ZCCHC8: variants seen among roughly 807,000 people sequenced by gnomAD.
ZCCHC8 encodes zinc finger CCHC-type containing 8, also known as zinc finger CCHC domain-containing protein 8.
ZCCHC8 carries 27 observed loss-of-function variants against 70.6 expected under a neutral mutation model. That is an observed-to-expected ratio of 0.38 (90% CI 0.28 to 0.53). The LOEUF is 0.53. Among genes scored for constraint, ZCCHC8 ranks in the 20% least tolerant of loss-of-function variants. The pLI, the probability that ZCCHC8 is intolerant of heterozygous loss-of-function variation, is 0.81. For missense variants in ZCCHC8, 737 were observed against 876.9 expected, an observed-to-expected ratio of 0.84 and a Z score of 2.01; for synonymous variants, 293 against 317.4, an observed-to-expected ratio of 0.92 and a Z score of 0.82.
At position 122,500,491 on chromosome 12, in the gene ZCCHC8, C is replaced by T. The variant is rs1282508672; in HGVS notation, c.199+151G>A. The T allele has an allele frequency of 3.8e-6, 4 of 1,055,692 alleles. No homozygotes were observed. The highest frequency in any genetic ancestry group is 3.2e-4 in the Middle Eastern group (1 of 3,166). 65.4% of individuals were successfully genotyped at this position (1,055,692 alleles called of 1,614,324 possible). ...CGCCCCGAACCCTAGACTCTCGGTCCGCCGGCGGGTGACAGAAAGCACTTG... is the reference window on the plus strand; with the variant it reads ...CGCCCCGAACCCTAGACTCTCGGTCTGCCGGCGGGTGACAGAAAGCACTTG... On this transcript the variant is annotated intron_variant, in intron 1 of 13. Coordinates refer to ENST00000633063, the MANE Select transcript of ZCCHC8 (RefSeq NM_017612.5). The surrounding 1 kb of genome is among the most constrained non-coding windows in gnomAD (Gnocchi z 4.8).
At chr12:122,490,386 G>T in intron 4 of ZCCHC8, 76 bp downstream of exon 4, 1 of 1,182,482 alleles carries the variant, frequency 8.5e-7, no homozygotes. Context: ...TTTGATTCAA[G>T]AGGATCCTTG....
intron 3 of ZCCHC8, among the ~76,000 whole-genome samples, chr12:122,491,828 CAAAA>C (rs11314331): frequency 2.7e-3 from 331 of 123,650 alleles, no homozygotes; most frequent in African/African-American, 9.2e-3. Flanking sequence ...AACTCCATCT[CAAAA>C]AAAAAAAAAA....
chr12:122,484,564 A>T (rs945958761), intron 5 of ZCCHC8, among the ~76,000 whole-genome samples: 1 of 147,898 alleles, frequency 6.8e-6, no homozygotes, highest in African/African-American at 2.5e-5. Flanking sequence ...ACACACAGCT[A>T]ATTTTTTTTT....
rs538424379 is a variant in ZCCHC8, at chr12:122,489,595, A to G, written c.424-132T>C. The G allele has an allele frequency of 4.2e-4, 346 of 815,496 alleles. 8 individuals are homozygous for G. In the South Asian group the frequency reaches 5.1e-3, roughly 12 times the overall value. The allele number at this position is 815,496 out of a possible 1,614,324, so 50.5% of individuals were successfully genotyped here. A position where few individuals can be genotyped will look rare whatever the true frequency, so the allele number is the denominator to read the frequency against. On this transcript the variant is annotated intron_variant, in intron 4 of 13. Coordinates refer to ENST00000633063, the MANE Select transcript of ZCCHC8 (RefSeq NM_017612.5). Reference sequence around the variant, plus strand: ...TTCATGTGGGAGAATGGAAGATGTAAAAGGAGAGCTTCTTCTGAAGCACTA... The same window carrying G: ...TTCATGTGGGAGAATGGAAGATGTAGAAGGAGAGCTTCTTCTGAAGCACTA...
In ZCCHC8 at chr12:122,483,053, T is replaced by C. The variant is rs1185904730; in HGVS notation, c.671+226A>G. 5.4e-6 allele frequency: 3 copies of C among 557,078 alleles called. No individual in the cohort carries two copies. Among genetic ancestry groups the C allele is most frequent in the Non-Finnish European group, 9.4e-6 (3 of 319,044 alleles). 34.5% of individuals were successfully genotyped at this position (557,078 alleles called of 1,614,324 possible). ...CTGCAATCAAATTGACAGCAACAAT[T>C]ATACCTTTCCACCCACCCAGGCACA... is the stretch of plus-strand genomic sequence containing the variant. On this transcript the variant is annotated intron_variant, in intron 7 of 13. Coordinates refer to ENST00000633063, the MANE Select transcript of ZCCHC8 (RefSeq NM_017612.5). The surrounding 1 kb of genome is among the most constrained non-coding windows in gnomAD (Gnocchi z 4.4).
chr12:122,478,099 G>T, intron 12 of ZCCHC8, 107 bp downstream of exon 12: 1 of 1,258,210 alleles, frequency 7.9e-7, no homozygotes, highest in Non-Finnish European at 1.1e-6. Context: ...TTTTCCTTTT[G>T]GTTTGTCAAG....
intron 11 of ZCCHC8, among the ~76,000 whole-genome samples, chr12:122,478,862 C>T (rs1463328648): frequency 1.3e-5 from 2 of 152,144 alleles, no homozygotes; most frequent in Non-Finnish European, 2.9e-5. Flanking sequence ...CAAGAATGTA[C>T]ATTTCTAACG....
In ZCCHC8 at chr12:122,474,292, A is replaced by G; in HGVS notation, c.1346-17T>C. ...CCTCCATATCTGAAGTAAGAAAGTT[A>G]AGAGATACTTTAGAACTTATAATAG... On this transcript the variant is annotated splice_polypyrimidine_tract_variant and intron_variant, in intron 13 of 13. Transcript: ENST00000633063. 7.3e-7 allele frequency: 1 copy of G among 1,379,202 alleles called. No individual in the cohort carries two copies. Among genetic ancestry groups the G allele is most frequent in the South Asian group, 2.2e-5 (1 of 45,414 alleles). 85.4% of individuals were successfully genotyped at this position (1,379,202 alleles called of 1,614,324 possible).
chr12:122,485,200 A>C lies in ZCCHC8; in HGVS notation c.502-1637T>G, dbSNP rs572346474. 1.4e-4 allele frequency among the ~76,000 whole-genome samples: 22 copies of C among 152,020 alleles called. No individual in the cohort carries two copies. The South Asian group carries it at 3.7e-3, about 26-fold the overall frequency. On this transcript the variant is annotated intron_variant, in intron 5 of 13. Coordinates refer to ENST00000633063, the MANE Select transcript of ZCCHC8 (RefSeq NM_017612.5). ...CTCAGCTCACTGCAACCTCCGGTTGAACCTCCTGGGTTCAAGCGATTCTCC... is the reference window on the plus strand; with the variant it reads ...CTCAGCTCACTGCAACCTCCGGTTGCACCTCCTGGGTTCAAGCGATTCTCC...
In ZCCHC8 at chr12:122,472,743, A is replaced by C. The variant is rs1242137699; in HGVS notation, c.*754T>G. 1 of 152,174 alleles carries C rather than the reference A, an allele frequency of 6.6e-6. No individual in the cohort carries two copies. Among genetic ancestry groups the C allele is most frequent in the Admixed American group, 6.6e-5 (1 of 15,258 alleles). The allele number at this position is 152,174 out of a possible 1,614,324, so 9.4% of individuals were successfully genotyped here. A position where few individuals can be genotyped will look rare whatever the true frequency, so the allele number is the denominator to read the frequency against. ...GGAGGCTGAGGCAGGAGAATCGCTT[A>C]AACTCGGGAGGCGGAGGTTGCGGTG... is the stretch of plus-strand genomic sequence containing the variant. On this transcript the variant is annotated 3_prime_UTR_variant, in exon 14 of 14. Coordinates refer to ENST00000633063, the MANE Select transcript of ZCCHC8 (RefSeq NM_017612.5).
Position 122,483,190 on chromosome 12 carries a change from C to T in ZCCHC8, c.671+89G>A, listed in dbSNP as rs1957569521. 8.6e-7 allele frequency: 1 copy of T among 1,163,166 alleles called. No individual in the cohort carries two copies. Among genetic ancestry groups the T allele is most frequent in the Non-Finnish European group, 1.2e-6 (1 of 809,724 alleles). The allele number at this position is 1,163,166 out of a possible 1,614,324, so 72.1% of individuals were successfully genotyped here. On this transcript the variant is annotated intron_variant, in intron 7 of 13. Coordinates refer to ENST00000633063, the MANE Select transcript of ZCCHC8 (RefSeq NM_017612.5). The surrounding 1 kb of genome is among the most constrained non-coding windows in gnomAD (Gnocchi z 4.4). The stretch of plus-strand genomic sequence containing the variant: ...TGTAATTAACCTTAGAGTAAACCAG[C>T]AGTAAAGAACATGAACTTTTCAAGC...
Position 122,476,672 on chromosome 12 carries a change from A to T in ZCCHC8, c.1345+1169T>A, listed in dbSNP as rs1013537632. ...TACAAAACTGAAAATGCCTACACAG[A>T]AGTGTGTGACCCTGGTGACAGGGGT... On this transcript the variant is annotated intron_variant, in intron 13 of 13. Transcript: ENST00000633063. Among the ~76,000 whole-genome samples the T allele has an allele frequency of 3.9e-5, 6 of 152,152 alleles. No homozygotes were observed. In the East Asian group the frequency reaches 1.2e-3, roughly 30 times the overall value.
chr12:122,480,473 C>G (rs1202146647), intron 10 of ZCCHC8, 162 bp from the exon 11 acceptor site: 2 of 331,954 alleles, frequency 6.0e-6, no homozygotes, highest in Non-Finnish European at 1.0e-5. Flanking sequence ...TAGGACAGAA[C>G]TTTTTTTTTT....
rs764353997 is a variant in ZCCHC8, at chr12:122,483,448, T to C, written c.605+12A>G. ...AGATGCATAAAAGATCTTCATTCAC[T>C]ATGTAGGATACTTGGGTATTTCCCA... On this transcript the variant is annotated intron_variant, in intron 6 of 13. Coordinates refer to ENST00000633063, the MANE Select transcript of ZCCHC8 (RefSeq NM_017612.5). This position sits in a 1 kb window ranked among gnomAD's most constrained non-coding sequence, Gnocchi z 4.4. The C allele has an allele frequency of 3.8e-6, 6 of 1,582,840 alleles. No homozygotes were observed. In the Admixed American group the frequency reaches 1.1e-4, roughly 29 times the overall value.
chr12:122,486,451 C>A (rs1256395700), intron 5 of ZCCHC8, among the ~76,000 whole-genome samples: 1 of 145,278 alleles, frequency 6.9e-6, no homozygotes, highest in Non-Finnish European at 1.5e-5. Flanking sequence ...CAATTCATAT[C>A]ATGTTACATT....
intron 2 of ZCCHC8, among the ~76,000 whole-genome samples, chr12:122,495,542 G>A (rs914214870): frequency 1.3e-5 from 2 of 151,868 alleles, no homozygotes; most frequent in Non-Finnish European, 1.5e-5. Context: ...CCAACAAAAT[G>A]TTTATTGATT....
chr12:122,491,657 C>G (rs933795261), intron 3 of ZCCHC8, among the ~76,000 whole-genome samples: 1 of 151,684 alleles, frequency 6.6e-6, no homozygotes, highest in African/African-American at 2.4e-5. Context: ...GGAGAAACCC[C>G]GTCTCTACTA....
In ZCCHC8 at chr12:122,498,792, G is replaced by A. The variant is rs1182252662; in HGVS notation, c.242+35C>T. The A allele has an allele frequency of 2.5e-6, 4 of 1,598,038 alleles. No homozygotes were observed. The East Asian group carries it at 6.7e-5, about 27-fold the overall frequency. Reference sequence around the variant, plus strand: ...ATATTAATATCAGGATAAATAATAAGGGACAACTATGGAGTAATTTCAAAA... The same window carrying A: ...ATATTAATATCAGGATAAATAATAAAGGACAACTATGGAGTAATTTCAAAA... On this transcript the variant is annotated intron_variant, in intron 2 of 13. Transcript: ENST00000633063.
chr12:122,482,352 G>C, intron 8 of ZCCHC8: 1 of 436,104 alleles, frequency 2.3e-6, no homozygotes, highest in Non-Finnish European at 4.0e-6. Context: ...CAAATACAAA[G>C]AGTACTGTTT....
Sources: allele counts gnomAD v4.1 joint callset (sites outside exome capture counted in the v4.1 genomes callset), GRCh38; gene constraint gnomAD v4.1.1; non-coding constraint Gnocchi (gnomAD v3.1); transcripts MANE v1.5; gene names NCBI Gene and HGNC (gene_info 2026-07-23, HGNC 2026-07-21).